WSCD1: variants seen among roughly 807,000 people sequenced by gnomAD.
WSCD1 encodes WSC domain sialate O sulfotransferase 1, also known as sialate:O-sulfotransferase 1.
In WSCD1, 41 loss-of-function variants were observed where a neutral mutation model predicts 60.4. The observed-to-expected ratio is 0.68, with a 90% CI of 0.53 to 0.88. The LOEUF is 0.88. Ranked by LOEUF, WSCD1 falls within the 40% of genes least tolerant of loss-of-function variation. The pLI, the probability that WSCD1 is intolerant of heterozygous loss-of-function variation, is 0.00. For synonymous variants in WSCD1, 361 were observed against 332.5 expected (o/e 1.09, Z -0.93); for missense variants, 784 against 796.2 (o/e 0.98, Z 0.18).
intron 5 of WSCD1, 91 bp downstream of exon 5, chr17:6,095,314 C>T: frequency 6.9e-7 from 1 of 1,451,246 alleles, no homozygotes; most frequent in Non-Finnish European, 9.1e-7. Flanking sequence ...CTGCGGGTGT[C>T]CCCTCTGGCA....
chr17:6,114,151 C>T (rs1433656580), intron 7 of WSCD1, among the ~76,000 whole-genome samples: 1 of 47,526 alleles, frequency 2.1e-5, no homozygotes, highest in Admixed American at 3.3e-4. Flanking sequence ...GCTAGTTAGC[C>T]GTAAAAAAAA....
At chr17:6,107,238 T>A (rs567057161) in intron 5 of WSCD1, among the ~76,000 whole-genome samples, 1 of 152,232 alleles carries the variant, frequency 6.6e-6, no homozygotes, top group East Asian at 1.9e-4. Flanking sequence ...AACTTAATTA[T>A]CTCTGTAATC....
Position 6,080,671 on chromosome 17 carries a change from T to G in WSCD1, c.13T>G (p.Phe5Val), listed in dbSNP as rs1909173300. Residue 5 changes from phenylalanine (F) to valine (V), a missense_variant, in exon 2 of 9, where the codon TTC (phenylalanine) becomes GTC (valine). Physicochemically the swap from Phe to Val is conservative, Grantham distance 50. Coordinates refer to ENST00000317744, the MANE Select transcript of WSCD1 (RefSeq NM_015253.2). The surrounding 1 kb of genome is among the most constrained non-coding windows in gnomAD (Gnocchi z 6.6). MAKP[F>V]FRLQKFLRRT... ...GCTGCCCAGGGGCATGGCCAAACCT[T>G]TCTTCCGACTCCAGAAGTTTCTCCG... 6.2e-7 allele frequency: 1 copy of G among 1,613,428 alleles called. No individual in the cohort carries two copies. The highest frequency in any genetic ancestry group is 8.5e-7 in the Non-Finnish European group (1 of 1,179,900).
chr17:6,069,794 T>C (rs762067472), upstream of WSCD1, among the ~76,000 whole-genome samples: 1 of 63,302 alleles, frequency 1.6e-5, no homozygotes, highest in Non-Finnish European at 3.1e-5. Flanking sequence ...TGTGTGTGTG[T>C]GTGTGTGCGT....
intron 2 of WSCD1, chr17:6,085,128 C>T (rs764023598): frequency 1.4e-4 from 21 of 152,188 alleles, no homozygotes; most frequent in African/African-American, 4.6e-4. Flanking sequence ...ATCCATCACA[C>T]GTCCCAGGTT....
In WSCD1 at chr17:6,110,432, C is replaced by G. The variant is rs1911344312; in HGVS notation, c.1010-339C>G. On this transcript the variant is annotated intron_variant, in intron 6 of 8. Transcript: ENST00000317744. This position sits in a 1 kb window ranked among gnomAD's most constrained non-coding sequence, Gnocchi z 4.8. ...TCAGCCTAGCCTCAATCCCCACCCACTTCCCCTATTAGAATCTGGAATTAT... is the reference window on the plus strand; with the variant it reads ...TCAGCCTAGCCTCAATCCCCACCCAGTTCCCCTATTAGAATCTGGAATTAT... 6.6e-6 allele frequency among the ~76,000 whole-genome samples: 1 copy of G among 152,222 alleles called. No homozygotes were observed. The highest frequency in any genetic ancestry group is 2.4e-5 in the African/African-American group (1 of 41,454).
intron 7 of WSCD1, among the ~76,000 whole-genome samples, chr17:6,116,451 A>C: frequency 6.6e-6 from 1 of 152,170 alleles, no homozygotes; most frequent in East Asian, 1.9e-4. Context: ...TCCAATGCCC[A>C]ACCACCAAAT....
chr17:6,074,303 C>A (rs575996420), intron 1 of WSCD1, among the ~76,000 whole-genome samples: 2 of 152,182 alleles, frequency 1.3e-5, no homozygotes, highest in African/African-American at 4.8e-5. Flanking sequence ...CCCAAAGGGC[C>A]CAACAGATTT....
At chr17:6,099,059 C>A (rs556897308) in intron 5 of WSCD1, among the ~76,000 whole-genome samples, 1 of 96,956 alleles carries the variant, frequency 1.0e-5, no homozygotes, top group Admixed American at 1.1e-4. Context: ...GCCCAGCGTG[C>A]AGGGTTACTT....
chr17:6,119,744 T>C (rs1904536171), intron 8 of WSCD1, among the ~76,000 whole-genome samples: 1 of 152,144 alleles, frequency 6.6e-6, no homozygotes, highest in Non-Finnish European at 1.5e-5. Context: ...CCCTGTCTCC[T>C]AGGGTCATTG....
At chr17:6,072,170 G>A (rs1479687502) in intron 1 of WSCD1, among the ~76,000 whole-genome samples, 1 of 152,258 alleles carries the variant, frequency 6.6e-6, no homozygotes, top group Non-Finnish European at 1.5e-5. Flanking sequence ...CCTGTGGCCT[G>A]TGGCATGTCT....
In WSCD1 at chr17:6,080,760, G is replaced by A. The variant is rs1909188354; in HGVS notation, c.102G>A (p.Leu34=). The A allele has an allele frequency of 1.2e-6, 2 of 1,612,342 alleles. No homozygotes were observed. The highest frequency in any genetic ancestry group is 1.3e-5 in the African/African-American group (1 of 74,918). The change falls in exon 2 of 9, where the codon CTG becomes CTA. Residue 34 remains leucine, a synonymous_variant. Coordinates refer to ENST00000317744, the MANE Select transcript of WSCD1 (RefSeq NM_015253.2). This position sits in a 1 kb window ranked among gnomAD's most constrained non-coding sequence, Gnocchi z 6.6. ...AAYLMTGSLL[L]LQRVRVALPQ... ...ACCTGATGACCGGCAGCCTGCTGCT[G>A]CTGCAGCGGGTCCGCGTGGCTCTCC...
At chr17:6,102,758 G>A (rs908638349) in intron 5 of WSCD1, among the ~76,000 whole-genome samples, 1 of 151,952 alleles carries the variant, frequency 6.6e-6, no homozygotes, top group African/African-American at 2.4e-5. Context: ...CTTTCACCGT[G>A]CTATGCCTTA....
intron 4 of WSCD1, 70 bp downstream of exon 4, chr17:6,090,575 A>G: frequency 6.4e-7 from 1 of 1,558,716 alleles, no homozygotes; most frequent in Non-Finnish European, 8.6e-7. Flanking sequence ...ATCCCCCACA[A>G]CCTCTCAATG....
At position 6,086,249 on chromosome 17, in the gene WSCD1, T is replaced by TTATATATATA. The variant is rs1481687453; in HGVS notation, c.428-1741_428-1740insTATATATATA. ...TGCAGTCAGTAAGACCGTCCTGACT[T>TTATATATATA]CATATATATATATATATATATATAT... On this transcript the variant is annotated intron_variant, in intron 2 of 8. Coordinates refer to ENST00000317744, the MANE Select transcript of WSCD1 (RefSeq NM_015253.2). Among the ~76,000 whole-genome samples the TTATATATATA allele has an allele frequency of 5.9e-3, 421 of 71,222 alleles. 15 individuals are homozygous for TTATATATATA. The highest frequency in any genetic ancestry group is 0.022 in the African/African-American group (384 of 17,596). The allele number at this position is 71,222 out of a possible 152,430, so 46.7% of individuals were successfully genotyped here.
intron 3 of WSCD1, among the ~76,000 whole-genome samples, chr17:6,089,167 G>A (rs1425891944): frequency 6.6e-6 from 1 of 152,186 alleles, no homozygotes; most frequent in East Asian, 1.9e-4. Context: ...AGAAACTGAC[G>A]CTGGAGAAAG....
intron 5 of WSCD1, among the ~76,000 whole-genome samples, chr17:6,109,022 G>A (rs1036754684): frequency 2.6e-5 from 4 of 152,218 alleles, no homozygotes; most frequent in Non-Finnish European, 5.9e-5. Flanking sequence ...CATCTGGCAT[G>A]AGAGTTGGTT....
rs1211200757 is a variant in WSCD1, at chr17:6,101,551, T to G, written c.849+6328T>G. Among the ~76,000 whole-genome samples the G allele has an allele frequency of 1.3e-5, 2 of 152,166 alleles. No individual in the cohort carries two copies. The highest frequency in any genetic ancestry group is 2.9e-5 in the Non-Finnish European group (2 of 68,026). ...TTTTTGCTAGTTCGCGAAAATGGAT[T>G]TGGGGAGATCCAAGAGTGTAGTTTG... On this transcript the variant is annotated intron_variant, in intron 5 of 8. Coordinates refer to ENST00000317744, the MANE Select transcript of WSCD1 (RefSeq NM_015253.2). This position sits in a 1 kb window ranked among gnomAD's most constrained non-coding sequence, Gnocchi z 4.1.
In WSCD1 at chr17:6,095,171, T is replaced by C. The variant is rs1910339222; in HGVS notation, c.797T>C (p.Leu266Pro). Residue 266 changes from leucine to proline, a missense_variant, in exon 5 of 9, where the codon CTG (leucine) becomes CCG (proline). By Grantham distance (98) the Leu-to-Pro change is moderately conservative. Transcript: ENST00000317744. ...ENITHAFPSS[L>P]IQANVTVGTC... is the part of the protein sequence containing the mutation. Reference sequence around the variant, plus strand: ...ATCACACATGCCTTCCCCAGCTCCCTGATACAGGCCAATGTGACCGTGGGG... The same window carrying C: ...ATCACACATGCCTTCCCCAGCTCCCCGATACAGGCCAATGTGACCGTGGGG... 3 of 1,613,770 alleles carry C rather than the reference T, an allele frequency of 1.9e-6. No individual in the cohort carries two copies. The highest frequency in any genetic ancestry group is 2.5e-6 in the Non-Finnish European group (3 of 1,179,842).
Sources: gnomAD v4.1 joint callset for allele counts (sites outside exome capture counted in the v4.1 genomes callset) on GRCh38, gnomAD v4.1.1 for gene constraint, Gnocchi (gnomAD v3.1) non-coding constraint, MANE v1.5 for transcripts, NCBI Gene and HGNC (gene_info 2026-07-23, HGNC 2026-07-21) for gene names.